Variants in SDS observed in about 807,000 individuals in gnomAD.
The protein encoded by SDS is L-serine dehydratase/L-threonine deaminase.
SDS carries 19 observed loss-of-function variants against 29.3 expected under a neutral mutation model. The observed-to-expected ratio is 0.65, with a 90% CI of 0.45 to 0.95. The LOEUF (loss-of-function observed/expected upper bound fraction) is 0.95, where lower values mean the gene tolerates loss of function less well. SDS is among the 40% of genes least tolerant of loss of function. The pLI, the probability that SDS is intolerant of heterozygous loss-of-function variation, is 0.00. For missense variants in SDS, 375 were observed against 439.9 expected (o/e 0.85, Z 1.32); for synonymous variants, 176 against 189.0 (o/e 0.93, Z 0.56).
intron 6 of SDS, 62 bp from the exon 7 acceptor site, chr12:113,394,078 A>G: frequency 6.5e-7 from 1 of 1,529,180 alleles, no homozygotes; most frequent in Non-Finnish European, 9.0e-7. Flanking sequence ...AGATGGGGGC[A>G]GGGAGGGAGA....
At chr12:113,399,802 C>G in intron 1 of SDS, 92 bp from the exon 2 acceptor site, 1 of 1,269,050 alleles carries the variant, frequency 7.9e-7, no homozygotes, top group Admixed American at 3.0e-5. Flanking sequence ...TCCCAGCAAG[C>G]CAAGCAAGGC....
rs2136935509 is a variant in SDS at position 113,399,541 on chromosome 12, G to T, written c.153+15C>A. The stretch of plus-strand genomic sequence containing the variant: ...CTGCCACCCCTGCCCAGATAATGCT[G>T]ACCCGGTCCCGTACCCTCTTGCAGA... On this transcript the variant is annotated intron_variant, in intron 2 of 7. Coordinates refer to ENST00000257549, the MANE Select transcript of SDS (RefSeq NM_006843.3). 6.4e-7 allele frequency: 1 copy of T among 1,551,230 alleles called. No individual in the cohort carries two copies. The highest frequency in any genetic ancestry group is 1.2e-5 in the South Asian group (1 of 81,466).
In SDS at chr12:113,397,331, T is replaced by C. The variant is rs759287194; in HGVS notation, c.487A>G (p.Ile163Val). ...CCCCCGCCGCCCACTGACAGCGCGA[T>C]GGCCCCCGGCTTTTCCCACAGTGTC... Reference protein sequence around the residue: ...KETLWEKPGAIALSVGGGGLL... With the variant: ...KETLWEKPGAVALSVGGGGLL... The change falls in exon 6 of 8, where the codon ATC becomes GTC. Residue 163 changes from isoleucine to valine, a missense_variant. Physicochemically the swap from Ile to Val is conservative, Grantham distance 29. Coordinates refer to ENST00000257549, the MANE Select transcript of SDS (RefSeq NM_006843.3). 6 of 1,614,020 alleles carry C rather than the reference T, an allele frequency of 3.7e-6. No homozygotes were observed. Among genetic ancestry groups the C allele is most frequent in the East Asian group, 2.2e-5 (1 of 44,888 alleles).
chr12:113,396,487 CTT>C (rs1491356249), intron 6 of SDS, among the ~76,000 whole-genome samples: 4 of 2,094 alleles, frequency 1.9e-3, no homozygotes, highest in East Asian at 0.03. Flanking sequence ...CTTTCTCTCT[CTT>C]TCTTTCCTCT....
intron 7 of SDS, 32 bp downstream of exon 7, chr12:113,393,860 C>A: frequency 6.2e-7 from 1 of 1,613,484 alleles, no homozygotes; most frequent in Non-Finnish European, 8.5e-7. Flanking sequence ...CCTGAGTCAG[C>A]AGGTCAGGTC....
chr12:113,394,696 A>G (rs1037734707), intron 6 of SDS, among the ~76,000 whole-genome samples: 2 of 152,186 alleles, frequency 1.3e-5, no homozygotes, highest in East Asian at 1.9e-4. Context: ...GCACAGCGTC[A>G]TATTCTGATC....
At chr12:113,401,254 A>T (rs921208213) in intron 1 of SDS, among the ~76,000 whole-genome samples, 4 of 151,460 alleles carry the variant, frequency 2.6e-5, no homozygotes, top group African/African-American at 9.7e-5. Flanking sequence ...ATATTTATTT[A>T]AAAAAAAACA....
intron 5 of SDS, among the ~76,000 whole-genome samples, chr12:113,397,749 G>T (rs888955974): frequency 6.6e-6 from 1 of 152,178 alleles, no homozygotes; most frequent in Middle Eastern, 3.2e-3. Flanking sequence ...ACCCACAGCG[G>T]CCACCTGCCT....
chr12:113,395,344 A>G (rs1485761246), intron 6 of SDS, among the ~76,000 whole-genome samples: 1 of 152,150 alleles, frequency 6.6e-6, no homozygotes, highest in East Asian at 1.9e-4. Flanking sequence ...TTCAGTCCCT[A>G]CAGTGTGGGA....
Position 113,393,125 on chromosome 12 carries a change from G to A in SDS, c.803C>T (p.Pro268Leu), listed in dbSNP as rs1352235190. The change falls in exon 8 of 8, where the codon CCC becomes CTC. Residue 268 changes from proline to leucine, a missense_variant. Coordinates refer to ENST00000257549, the MANE Select transcript of SDS (RefSeq NM_006843.3). ...FVDDEKILVEPACGAALAAVY... is the reference protein window; with the variant it reads ...FVDDEKILVELACGAALAAVY... Reference sequence around the variant, plus strand: ...AGCGGCCAGGGCTGCCCCGCAGGCGGGCTCCACCAGGATCTTCTCATCATC... The same window carrying A: ...AGCGGCCAGGGCTGCCCCGCAGGCGAGCTCCACCAGGATCTTCTCATCATC... The A allele has an allele frequency of 6.2e-7, 1 of 1,613,838 alleles. No individual in the cohort carries two copies. Among genetic ancestry groups the A allele is most frequent in the Non-Finnish European group, 8.5e-7 (1 of 1,180,022 alleles).
intron 1 of SDS, among the ~76,000 whole-genome samples, chr12:113,401,706 C>A (rs1957685586): frequency 6.6e-6 from 1 of 152,190 alleles, no homozygotes; most frequent in Non-Finnish European, 1.5e-5. Context: ...GTGGCTCAGG[C>A]TCCTGCTTCT....
chr12:113,396,134 G>A (rs185091129), intron 6 of SDS, among the ~76,000 whole-genome samples: 10 of 152,194 alleles, frequency 6.6e-5, no homozygotes, highest in Admixed American at 2.0e-4. Context: ...AACTATCAAA[G>A]GTTTGGGGCT....
intron 5 of SDS, among the ~76,000 whole-genome samples, chr12:113,397,692 G>C (rs868424547): frequency 6.6e-6 from 1 of 152,166 alleles, no homozygotes; most frequent in African/African-American, 2.4e-5. Context: ...ACTGCTGTGC[G>C]CCTTCTGCAC....
chr12:113,397,124 G>A (rs370101754), intron 6 of SDS, 41 bp downstream of exon 6: 1 of 1,565,620 alleles, frequency 6.4e-7, no homozygotes, highest in Non-Finnish European at 8.8e-7. Flanking sequence ...GGACTCCCCA[G>A]TGCTTGCTGG....
intron 6 of SDS, among the ~76,000 whole-genome samples, chr12:113,395,520 G>T (rs964760043): frequency 2.0e-5 from 3 of 152,194 alleles, no homozygotes; most frequent in Non-Finnish European, 2.9e-5. Flanking sequence ...CTTGCAGCTG[G>T]ATGTGGCCAT....
At chr12:113,393,277 C>G (rs1957622831) in intron 7 of SDS, 128 bp from the exon 8 acceptor site, 2 of 920,000 alleles carry the variant, frequency 2.2e-6, no homozygotes, top group Non-Finnish European at 3.4e-6. Context: ...AGCCGCAGGT[C>G]CTGAACCAAA....
intron 1 of SDS, among the ~76,000 whole-genome samples, chr12:113,400,396 C>T (rs553123271): frequency 5.3e-5 from 8 of 152,008 alleles, no homozygotes; most frequent in African/African-American, 1.9e-4. Context: ...TCACTTGAAC[C>T]GAGGAGGTGG....
intron 6 of SDS, 106 bp from the exon 7 acceptor site, chr12:113,394,122 C>T (rs899233471): frequency 9.5e-7 from 1 of 1,055,256 alleles, no homozygotes; most frequent in African/African-American, 1.6e-5. Flanking sequence ...GAAGGCAATG[C>T]ATCTGGGGGC....
At chr12:113,397,026 G>A (rs1003316716) in intron 6 of SDS, 139 bp downstream of exon 6, 8 of 736,904 alleles carry the variant, frequency 1.1e-5, no homozygotes, top group East Asian at 2.7e-5. Flanking sequence ...CTCACTGGAC[G>A]TGGCCCTGGG....
Sources: gnomAD v4.1 joint callset for allele counts (sites outside exome capture counted in the v4.1 genomes callset) on GRCh38, gnomAD v4.1.1 for gene constraint, MANE v1.5 for transcripts, NCBI Gene and HGNC (gene_info 2026-07-23, HGNC 2026-07-21) for gene names.